The following TAFA2 variants were observed in gnomAD, a reference collection of about 807,000 sequenced individuals.
The protein encoded by TAFA2 is chemokine-like protein TAFA-2.
A neutral mutation model predicts 18.8 loss-of-function variants in TAFA2; 7 were observed. That is an observed-to-expected ratio of 0.37 (90% CI 0.21 to 0.70). The LOEUF (loss-of-function observed/expected upper bound fraction) is 0.70, where lower values mean the gene tolerates loss of function less well. TAFA2 is among the 30% of genes least tolerant of loss of function. The probability of loss-of-function intolerance (pLI) is 0.53; values close to 1 mark genes in which losing one functional copy is unlikely to be tolerated. For synonymous variants in TAFA2, 60 were observed against 54.2 expected, an observed-to-expected ratio of 1.11 and a Z score of -0.47; for missense variants, 122 against 158.1, an observed-to-expected ratio of 0.77 and a Z score of 1.23.
chr12:61,955,952 T>C (rs916937887), intron 1 of TAFA2, among the ~76,000 whole-genome samples: 25 of 151,978 alleles, frequency 1.6e-4, no homozygotes, highest in African/African-American at 6.0e-4. Flanking sequence ...CAATGGTATG[T>C]ACAAATTTTA....
intron 2 of TAFA2, among the ~76,000 whole-genome samples, chr12:61,777,734 A>G (rs76852476): frequency 0.028 from 4,327 of 151,962 alleles, 214 homozygotes; most frequent in African/African-American, 0.098. Context: ...GAGAAAAATC[A>G]GAGAAAAATA....
intron 2 of TAFA2, among the ~76,000 whole-genome samples, chr12:61,854,760 G>T (rs541471441): frequency 2.0e-5 from 3 of 151,754 alleles, no homozygotes; most frequent in Admixed American, 2.0e-4. Context: ...AAATATGAGG[G>T]TATAATAAAG....
At position 61,912,415 on chromosome 12, in the gene TAFA2, A is replaced by T. The variant is rs373475545; in HGVS notation, c.-1-44989T>A. Among the ~76,000 whole-genome samples, 6 of 152,324 alleles carry T rather than the reference A, an allele frequency of 3.9e-5. No homozygotes were observed. The East Asian group carries it at 9.6e-4, about 24-fold the overall frequency. On this transcript the variant is annotated intron_variant, in intron 1 of 4. Coordinates refer to ENST00000416284, the MANE Select transcript of TAFA2 (RefSeq NM_178539.5). ...TGAAATAAAATACATTGTGAAAATT[A>T]GTTTCATCTATTTTATTTTTAAAAC...
chr12:62,128,419 C>T (rs1870550619), intron 1 of TAFA2, among the ~76,000 whole-genome samples: 1 of 152,014 alleles, frequency 6.6e-6, no homozygotes, highest in Non-Finnish European at 1.5e-5. Context: ...CCCTGCCTTT[C>T]CCAAAGCTAA....
chr12:62,063,175 C>G (rs1882397376), intron 1 of TAFA2, among the ~76,000 whole-genome samples: 1 of 152,070 alleles, frequency 6.6e-6, no homozygotes, highest in African/African-American at 2.4e-5. Flanking sequence ...TGCCACACAG[C>G]CCTAGTGACT....
intron 4 of TAFA2, among the ~76,000 whole-genome samples, chr12:61,724,751 A>ATGTGTGTGTGTG (rs71083953): frequency 3.1e-4 from 35 of 114,708 alleles, no homozygotes; most frequent in African/African-American, 8.0e-4. Context: ...TGGTATGTCT[A>ATGTGTGTGTGTG]TGTGTGTGTG....
chr12:61,775,130 T>A (rs1870202253), intron 2 of TAFA2, among the ~76,000 whole-genome samples: 1 of 151,806 alleles, frequency 6.6e-6, no homozygotes, highest in Non-Finnish European at 1.5e-5. Flanking sequence ...TATACACCTC[T>A]TAGAATGACC....
Position 62,060,610 on chromosome 12 carries a change from G to C in TAFA2, c.-2+130649C>G, listed in dbSNP as rs555809584. Among the ~76,000 whole-genome samples, 12 of 152,286 alleles carry C rather than the reference G, an allele frequency of 7.9e-5. No individual in the cohort carries two copies. The East Asian group carries it at 2.3e-3, about 29-fold the overall frequency. On this transcript the variant is annotated intron_variant, in intron 1 of 4. Coordinates refer to ENST00000416284, the MANE Select transcript of TAFA2 (RefSeq NM_178539.5). ...CTTAAAAAAATTTAACTGTAAAACA[G>C]CCTCAGGGAGGTCCTTCAGGAGGTA...
intron 2 of TAFA2, among the ~76,000 whole-genome samples, chr12:61,760,611 A>C (rs1409000702): frequency 6.6e-6 from 1 of 151,850 alleles, no homozygotes; most frequent in African/African-American, 2.4e-5. Flanking sequence ...CAATTTAAAA[A>C]GATAAAACTA....
At chr12:61,812,861 C>G (rs527366674) in intron 2 of TAFA2, among the ~76,000 whole-genome samples, 1 of 151,402 alleles carries the variant, frequency 6.6e-6, no homozygotes, top group East Asian at 1.9e-4. Flanking sequence ...TGAGCCACCA[C>G]GCCCAGCCAA....
At chr12:61,881,938 G>A (rs2045305) in intron 1 of TAFA2, among the ~76,000 whole-genome samples, 106,316 of 151,626 alleles carry the variant, frequency 0.7, 37,497 homozygotes, top group East Asian at 0.79. Context: ...AAGCAAGAAG[G>A]GAACATATGA....
At chr12:62,195,964 CA>C (rs2062647233), upstream of TAFA2, among the ~76,000 whole-genome samples, 1 of 152,190 alleles carries the variant, frequency 6.6e-6, no homozygotes, top group South Asian at 2.1e-4. Context: ...TGTTTATTTA[CA>C]TTGAAAATCT....
intron 2 of TAFA2, among the ~76,000 whole-genome samples, chr12:61,762,690 A>G (rs1238213949): frequency 1.3e-5 from 2 of 151,288 alleles, no homozygotes; most frequent in Non-Finnish European, 2.9e-5. Context: ...TGAGATGCCT[A>G]TAAAAAAATC....
At chr12:62,258,269 G>A (rs928915832) in intron 1 of TAFA2, 23 of 152,202 alleles carry the variant, frequency 1.5e-4, no homozygotes, top group African/African-American at 4.3e-4. Flanking sequence ...TCTACAAAAC[G>A]GCTCCATAAA....
intron 2 of TAFA2, among the ~76,000 whole-genome samples, chr12:61,837,757 G>C (rs568910287): frequency 1.3e-5 from 2 of 152,100 alleles, no homozygotes; most frequent in African/African-American, 4.8e-5. Context: ...TGGGGTAGGA[G>C]TGCGGGGAAG....
chr12:61,889,107 G>C (rs1012284616), intron 1 of TAFA2, among the ~76,000 whole-genome samples: 1 of 152,080 alleles, frequency 6.6e-6, no homozygotes, highest in African/African-American at 2.4e-5. Context: ...CATAATGCTG[G>C]ACTCTACCCA....
At chr12:62,238,416 T>C (rs138483350) in intron 1 of TAFA2, among the ~76,000 whole-genome samples, 129 of 152,318 alleles carry the variant, frequency 8.5e-4, no homozygotes, top group African/African-American at 3.0e-3. Context: ...CAATAACCAT[T>C]TGTTTTTGTG....
chr12:61,741,756 T>C (rs1274705088), intron 4 of TAFA2, among the ~76,000 whole-genome samples: 4 of 152,154 alleles, frequency 2.6e-5, no homozygotes, highest in African/African-American at 9.7e-5. Context: ...GTCATAATTT[T>C]TAAAAAATCT....
Position 62,161,237 on chromosome 12 carries a change from CAA to C in TAFA2, c.-2+30020_-2+30021del, listed in dbSNP as rs2062405014. 2.0e-5 allele frequency among the ~76,000 whole-genome samples: 3 copies of C among 152,238 alleles called. No individual in the cohort carries two copies. The South Asian group carries it at 6.2e-4, about 32-fold the overall frequency. ...ACCAAAGAAAAAGAAATCAATATAT[CAA>C]AAAGATACTCACACTCATTTTTATC... On this transcript the variant is annotated intron_variant, in intron 1 of 4. Coordinates refer to ENST00000416284, the MANE Select transcript of TAFA2 (RefSeq NM_178539.5).
Sources: gnomAD v4.1 joint callset for allele counts (sites outside exome capture counted in the v4.1 genomes callset) on GRCh38, gnomAD v4.1.1 for gene constraint, MANE v1.5 for transcripts, NCBI Gene and HGNC (gene_info 2026-07-23, HGNC 2026-07-21) for gene names.